The following SLC6A3 variants were observed in gnomAD, a reference collection of about 807,000 sequenced individuals.
The protein encoded by SLC6A3 is solute carrier family 6 member 3.
Under a neutral mutation model 70.4 loss-of-function variants are expected in SLC6A3, and 19 were observed. The ratio of observed to expected loss-of-function variants is 0.27; its 90% CI spans 0.19 to 0.40. The LOEUF is 0.40. Among genes scored for constraint, SLC6A3 ranks in the 10% least tolerant of loss-of-function variants. The pLI, the probability that SLC6A3 is intolerant of heterozygous loss-of-function variation, is 1.00. For missense variants in SLC6A3, 613 were observed against 838.5 expected, an observed-to-expected ratio of 0.73 and a Z score of 3.32; for synonymous variants, 368 against 356.6, an observed-to-expected ratio of 1.03 and a Z score of -0.36.
chr5:1,415,883 C>T (rs1756278510), intron 7 of SLC6A3, among the ~76,000 whole-genome samples: 1 of 152,224 alleles, frequency 6.6e-6, no homozygotes, highest in Non-Finnish European at 1.5e-5. Flanking sequence ...CAGGAGGCGA[C>T]ACACCCACTG....
At position 1,437,531 on chromosome 5, in the gene SLC6A3, C is replaced by G. The variant is rs891588210; in HGVS notation, c.418+3828G>C. Among the ~76,000 whole-genome samples, 2 of 152,162 alleles carry G rather than the reference C, an allele frequency of 1.3e-5. No homozygotes were observed. The highest frequency in any genetic ancestry group is 4.8e-5 in the African/African-American group (2 of 41,450). ...GTTTTAAAGACCCACCTCTCAGGAC[C>G]CTGGGGTGCACTGCGGGGCTGAAGG... On this transcript the variant is annotated intron_variant, in intron 3 of 14. Transcript: ENST00000270349. This position sits in a 1 kb window ranked among gnomAD's most constrained non-coding sequence, Gnocchi z 4.8.
chr5:1,401,708 C>A lies in SLC6A3; in HGVS notation c.1768-722G>T, dbSNP rs189669040. On this transcript the variant is annotated intron_variant, in intron 13 of 14. Transcript: ENST00000270349. This position sits in a 1 kb window ranked among gnomAD's most constrained non-coding sequence, Gnocchi z 6.1. The stretch of plus-strand genomic sequence containing the variant: ...AGTTTGGCCATGCGAGGGGTAAGGG[C>A]GCTGGCTGTTCAGGTCCGCCGGGCT... Among the ~76,000 whole-genome samples the A allele has an allele frequency of 6.8e-6, 1 of 146,632 alleles. No homozygotes were observed. Among genetic ancestry groups the A allele is most frequent in the East Asian group, 1.9e-4 (1 of 5,188 alleles).
chr5:1,393,634 ATGCATCCTGGGGTAGTACACG>A lies in SLC6A3; in HGVS notation c.*1080_*1100del, dbSNP rs1755634187. The A allele has an allele frequency of 7.0e-6, 1 of 143,510 alleles. No individual in the cohort carries two copies. Among genetic ancestry groups the A allele is most frequent in the Non-Finnish European group, 1.5e-5 (1 of 64,962 alleles). 8.9% of individuals were successfully genotyped at this position (143,510 alleles called of 1,614,324 possible). ...GTACACGCTCCTGTGGGGGCCCTGCATGCATCCTGGGGTAGTACACGCTCCTGTGGGGGCCCTGCATGCGTC... is the reference window on the plus strand; with the variant it reads ...GTACACGCTCCTGTGGGGGCCCTGCACTCCTGTGGGGGCCCTGCATGCGTC... On this transcript the variant is annotated 3_prime_UTR_variant, in exon 15 of 15. Transcript: ENST00000270349.
Position 1,441,806 on chromosome 5 carries a change from C to T in SLC6A3, c.287-316G>A, listed in dbSNP as rs193161953. 2.4e-4 allele frequency among the ~76,000 whole-genome samples: 37 copies of T among 152,258 alleles called. No homozygotes were observed. The East Asian group carries it at 5.0e-3, about 21-fold the overall frequency. On this transcript the variant is annotated intron_variant, in intron 2 of 14. Transcript: ENST00000270349. ...GGTACTATCCTTCCCCGTGGTGGTTCGGGGTGCCCTTCCCTGGCCTGCGTC... is the reference window on the plus strand; with the variant it reads ...GGTACTATCCTTCCCCGTGGTGGTTTGGGGTGCCCTTCCCTGGCCTGCGTC...
At chr5:1,422,285 A>C (rs1756455406) in intron 4 of SLC6A3, among the ~76,000 whole-genome samples, 1 of 152,070 alleles carries the variant, frequency 6.6e-6, no homozygotes, top group Non-Finnish European at 1.5e-5. Flanking sequence ...GGAGCTGCGG[A>C]GGCGGAGGGC....
At position 1,394,224 on chromosome 5, in the gene SLC6A3, A is replaced by T. The variant is rs1371264345; in HGVS notation, c.*511T>A. 5.1e-6 allele frequency: 1 copy of T among 194,882 alleles called. No homozygotes were observed. The highest frequency in any genetic ancestry group is 1.1e-5 in the Non-Finnish European group (1 of 93,814). The allele number at this position is 194,882 out of a possible 1,614,324, so 12.1% of individuals were successfully genotyped here. ...ACGCATCGGGAAAGGACTTTGCATG[A>T]ATTTGTGGTTTCCTCCATTTCACCT... On this transcript the variant is annotated 3_prime_UTR_variant, in exon 15 of 15. Coordinates refer to ENST00000270349, the MANE Select transcript of SLC6A3 (RefSeq NM_001044.5). This position sits in a 1 kb window ranked among gnomAD's most constrained non-coding sequence, Gnocchi z 4.7.
rs371957447 is a variant in SLC6A3, at chr5:1,405,175, C to T, written c.1599+1013G>A. On this transcript the variant is annotated intron_variant, in intron 12 of 14. Transcript: ENST00000270349. This position sits in a 1 kb window ranked among gnomAD's most constrained non-coding sequence, Gnocchi z 5.3. ...AACACTTACGTGCAGCCACACCACG[C>T]GGCCTGGAGCTCAGACACGGTGGAA... Among the ~76,000 whole-genome samples, 240 of 152,378 alleles carry T rather than the reference C, an allele frequency of 1.6e-3. 7 individuals are homozygous for T. In the South Asian group the frequency reaches 0.047, roughly 30 times the overall value.
At chr5:1,399,158 G>T (rs1361926457) in intron 14 of SLC6A3, among the ~76,000 whole-genome samples, 1 of 152,092 alleles carries the variant, frequency 6.6e-6, no homozygotes, top group African/African-American at 2.4e-5. Context: ...AATTAATTTG[G>T]AAATTAAAAA....
chr5:1,411,452 C>A lies in SLC6A3; in HGVS notation c.1157-97G>T. ...CCCGAGAAGCATGGCCTGCCACAGG[C>A]CTGTAGAGACTAGGGCTGGTGCGGC... On this transcript the variant is annotated intron_variant, in intron 8 of 14. Transcript: ENST00000270349. This position sits in a 1 kb window ranked among gnomAD's most constrained non-coding sequence, Gnocchi z 6.5. The A allele has an allele frequency of 2.3e-6, 2 of 875,080 alleles. No individual in the cohort carries two copies. The highest frequency in any genetic ancestry group is 3.7e-6 in the Non-Finnish European group (2 of 535,290). 54.2% of individuals were successfully genotyped at this position (875,080 alleles called of 1,614,324 possible).
rs764535180 is a variant in SLC6A3 at position 1,421,587 on chromosome 5, C to T, written c.792+289G>A. ...GCCGTGTGTCCGCCCAGCCCAGCCA[C>T]GGCCACGTGTCCCCCCACCCACCCA... On this transcript the variant is annotated intron_variant, in intron 5 of 14. Coordinates refer to ENST00000270349, the MANE Select transcript of SLC6A3 (RefSeq NM_001044.5). The surrounding 1 kb of genome is among the most constrained non-coding windows in gnomAD (Gnocchi z 7.2). 3.9e-5 allele frequency among the ~76,000 whole-genome samples: 6 copies of T among 152,176 alleles called. No homozygotes were observed. Among genetic ancestry groups the T allele is most frequent in the Admixed American group, 1.3e-4 (2 of 15,284 alleles).
intron 14 of SLC6A3, among the ~76,000 whole-genome samples, chr5:1,395,674 C>T (rs1056570653): frequency 2.0e-5 from 3 of 152,186 alleles, no homozygotes; most frequent in Admixed American, 6.5e-5. Context: ...TCAGGGAGCC[C>T]GGCCAGGACC....
intron 3 of SLC6A3, among the ~76,000 whole-genome samples, chr5:1,439,489 C>T (rs1292515526): frequency 6.6e-6 from 1 of 152,230 alleles, no homozygotes; most frequent in Non-Finnish European, 1.5e-5. Context: ...TCACACCTGT[C>T]CAGTCTCAGC....
chr5:1,419,419 G>T (rs868699893), intron 6 of SLC6A3, among the ~76,000 whole-genome samples: 7 of 152,104 alleles, frequency 4.6e-5, no homozygotes, highest in African/African-American at 1.4e-4. Context: ...TTTGTAATTT[G>T]TTCTCCAGTG....
Position 1,408,869 on chromosome 5 carries a change from A to G in SLC6A3, c.1498+157T>C, listed in dbSNP as rs939149464. Among the ~76,000 whole-genome samples, 6 of 152,208 alleles carry G rather than the reference A, an allele frequency of 3.9e-5. No homozygotes were observed. Among genetic ancestry groups the G allele is most frequent in the African/African-American group, 1.4e-4 (6 of 41,440 alleles). On this transcript the variant is annotated intron_variant, in intron 11 of 14. Transcript: ENST00000270349. The surrounding 1 kb of genome is among the most constrained non-coding windows in gnomAD (Gnocchi z 6.4). ...GCACCTCACTGATCCCATCAAAGGG[A>G]CCAGTGCCAAGCCTCTCCCCTCTGC...
rs1755931707 is a variant in SLC6A3 at position 1,404,794 on chromosome 5, G to T, written c.1599+1394C>A. Among the ~76,000 whole-genome samples, 1 of 152,266 alleles carries T rather than the reference G, an allele frequency of 6.6e-6. No homozygotes were observed. Among genetic ancestry groups the T allele is most frequent in the South Asian group, 2.1e-4 (1 of 4,832 alleles). ...GTTTCTCTCAACTTGGCAAAATGAAGTCCTGTTTCGTATAGTTTGTAGTTT... is the reference window on the plus strand; with the variant it reads ...GTTTCTCTCAACTTGGCAAAATGAATTCCTGTTTCGTATAGTTTGTAGTTT... On this transcript the variant is annotated intron_variant, in intron 12 of 14. Coordinates refer to ENST00000270349, the MANE Select transcript of SLC6A3 (RefSeq NM_001044.5). This position sits in a 1 kb window ranked among gnomAD's most constrained non-coding sequence, Gnocchi z 5.2.
At chr5:1,416,628 T>C in intron 6 of SLC6A3, 1 of 328,104 alleles carries the variant, frequency 3.0e-6, no homozygotes, top group South Asian at 2.7e-5. Flanking sequence ...CAGCACGGAC[T>C]CACCCACACA....
At position 1,400,783 on chromosome 5, in the gene SLC6A3, A is replaced by G. The variant is rs977171223; in HGVS notation, c.1839+132T>C. The G allele has an allele frequency of 6.7e-6, 5 of 743,884 alleles. No homozygotes were observed. The Admixed American group carries it at 1.0e-4, about 15-fold the overall frequency. 46.1% of individuals were successfully genotyped at this position (743,884 alleles called of 1,614,324 possible). A position where few individuals can be genotyped will look rare whatever the true frequency, so the allele number is the denominator to read the frequency against. On this transcript the variant is annotated intron_variant, in intron 14 of 14. Coordinates refer to ENST00000270349, the MANE Select transcript of SLC6A3 (RefSeq NM_001044.5). ...CTGCCACCACTGGCTGCCTGTCCTC[A>G]TAGAGCACATGCTGGCTGAGTAAAT...
At position 1,400,189 on chromosome 5, in the gene SLC6A3, C is replaced by T. The variant is rs1370944307; in HGVS notation, c.1839+726G>A. Reference sequence around the variant, plus strand: ...CACTCTGGGGTGGAGGAGGACAGTGCCACAGGCCCAGGGCACAGCCCAGGC... The same window carrying T: ...CACTCTGGGGTGGAGGAGGACAGTGTCACAGGCCCAGGGCACAGCCCAGGC... On this transcript the variant is annotated intron_variant, in intron 14 of 14. Coordinates refer to ENST00000270349, the MANE Select transcript of SLC6A3 (RefSeq NM_001044.5). 2.0e-5 allele frequency among the ~76,000 whole-genome samples: 3 copies of T among 152,218 alleles called. No individual in the cohort carries two copies. The East Asian group carries it at 5.8e-4, about 29-fold the overall frequency.
chr5:1,426,956 A>G (rs1000363117), intron 4 of SLC6A3, among the ~76,000 whole-genome samples: 1 of 152,260 alleles, frequency 6.6e-6, no homozygotes, highest in Non-Finnish European at 1.5e-5. Flanking sequence ...TGTATAGCTT[A>G]CCACAATAGC....
Sources: allele counts gnomAD v4.1 joint callset (sites outside exome capture counted in the v4.1 genomes callset), GRCh38; gene constraint gnomAD v4.1.1; non-coding constraint Gnocchi (gnomAD v3.1); transcripts MANE v1.5; gene names NCBI Gene and HGNC (gene_info 2026-07-23, HGNC 2026-07-21).